RASA1: variants seen among roughly 807,000 people sequenced by gnomAD.
RASA1 encodes the protein ras GTPase-activating protein 1.
Under a neutral mutation model 132.2 loss-of-function variants are expected in RASA1, and 25 were observed. The observed-to-expected ratio is 0.19, with a 90% CI of 0.14 to 0.26. The LOEUF is 0.26. RASA1 is among the 10% of genes least tolerant of loss of function. The probability of loss-of-function intolerance (pLI) is 1.00; values close to 1 mark genes in which losing one functional copy is unlikely to be tolerated. For missense variants in RASA1, 964 were observed against 1,299.2 expected, an observed-to-expected ratio of 0.74 and a Z score of 3.97; for synonymous variants, 477 against 449.9, an observed-to-expected ratio of 1.06 and a Z score of -0.76.
chr5:87,378,483 A>G lies in RASA1; in HGVS notation c.2432A>G (p.His811Arg), dbSNP rs758671810. The G allele has an allele frequency of 1.2e-6, 2 of 1,612,500 alleles. No homozygotes were observed. Among genetic ancestry groups the G allele is most frequent in the African/African-American group, 1.3e-5 (1 of 74,906 alleles). The change falls in exon 18 of 25, where the codon CAT becomes CGT. Residue 811 changes from histidine (H) to arginine (R), a missense_variant. Around this residue, in one of 6 missense-constraint regions of RASA1, gnomAD observed 346 missense variants for 520.1 expected, o/e 0.67. Coordinates refer to ENST00000274376, the MANE Select transcript of RASA1 (RefSeq NM_002890.3). ...YMKATATQFV[H>R]HALKDSILKI... ...AAAGCCACTGCTACACAGTTTGTTC[A>G]TCATGCTTTGAAAGACTCTATTTTA...
rs867300362 is a variant in RASA1, at chr5:87,338,538, T to A, written c.1017+447T>A. On this transcript the variant is annotated intron_variant, in intron 5 of 24. Coordinates refer to ENST00000274376, the MANE Select transcript of RASA1 (RefSeq NM_002890.3). ...ATATATATATATATATATATAAAAT[T>A]TTTTTTTTTTTTAAGTAGAAATGGG... Among the ~76,000 whole-genome samples the A allele has an allele frequency of 7.3e-3, 965 of 132,794 alleles. 59 individuals carry two copies. The highest frequency in any genetic ancestry group is 0.048 in the Admixed American group (614 of 12,832). 87.1% of individuals were successfully genotyped at this position (132,794 alleles called of 152,430 possible).
intron 17 of RASA1, among the ~76,000 whole-genome samples, 162 bp from the exon 18 acceptor site, chr5:87,378,234 G>C (rs188177348): frequency 1.4e-4 from 22 of 152,314 alleles, no homozygotes; most frequent in Admixed American, 1.3e-3. Flanking sequence ...TAAGTCTGTA[G>C]AAGTATAGGA....
intron 1 of RASA1, among the ~76,000 whole-genome samples, chr5:87,310,539 A>G (rs1755830914): frequency 1.3e-5 from 2 of 152,178 alleles, no homozygotes; most frequent in South Asian, 4.1e-4. Flanking sequence ...AAGAAGTAGG[A>G]AGGAATTAAA....
intron 1 of RASA1, among the ~76,000 whole-genome samples, chr5:87,320,699 A>G (rs183108922): frequency 3.9e-5 from 6 of 152,338 alleles, no homozygotes; most frequent in Admixed American, 3.3e-4. Context: ...ACAGTTCAAC[A>G]TGAGATTTGG....
At chr5:87,297,562 C>T (rs1383784209) in intron 1 of RASA1, among the ~76,000 whole-genome samples, 1 of 152,208 alleles carries the variant, frequency 6.6e-6, no homozygotes, top group Non-Finnish European at 1.5e-5. Context: ...TCCCTTCCCT[C>T]TTGTGAAAGG....
Position 87,285,721 on chromosome 5 carries a change from C to T in RASA1, c.539+16731C>T, listed in dbSNP as rs575972682. Reference sequence around the variant, plus strand: ...CAACCCTTCACCTCCCAGGTTCAAGCGATTCTTCTGTCTCAGCCTCCTGAG... The same window carrying T: ...CAACCCTTCACCTCCCAGGTTCAAGTGATTCTTCTGTCTCAGCCTCCTGAG... On this transcript the variant is annotated intron_variant, in intron 1 of 24. Transcript: ENST00000274376. Among the ~76,000 whole-genome samples the T allele has an allele frequency of 1.4e-4, 21 of 149,046 alleles. No homozygotes were observed. In the South Asian group the frequency reaches 2.1e-3, roughly 15 times the overall value.
At chr5:87,306,500 G>C (rs1755618251) in intron 1 of RASA1, among the ~76,000 whole-genome samples, 1 of 151,970 alleles carries the variant, frequency 6.6e-6, no homozygotes, top group African/African-American at 2.4e-5. Flanking sequence ...CAGGAAAAAT[G>C]ACTAATAGGT....
At chr5:87,346,247 A>C (rs1256051547) in intron 6 of RASA1, among the ~76,000 whole-genome samples, 2 of 151,938 alleles carry the variant, frequency 1.3e-5, no homozygotes, top group Non-Finnish European at 2.9e-5. Context: ...CAATATCTTG[A>C]TTTTATTTGA....
chr5:87,289,095 G>A (rs750416614), intron 1 of RASA1, among the ~76,000 whole-genome samples: 1 of 151,670 alleles, frequency 6.6e-6, no homozygotes, highest in Non-Finnish European at 1.5e-5. Flanking sequence ...ATCTAGAACA[G>A]TCCTTTTTGC....
At chr5:87,381,759 G>T (rs1321219453) in intron 20 of RASA1, among the ~76,000 whole-genome samples, 1 of 152,132 alleles carries the variant, frequency 6.6e-6, no homozygotes, top group Non-Finnish European at 1.5e-5. Context: ...CTATAAATTT[G>T]TAAGTTTCAA....
chr5:87,294,498 AT>A (rs1458274621), intron 1 of RASA1: 1 of 152,156 alleles, frequency 6.6e-6, no homozygotes, highest in Non-Finnish European at 1.5e-5. Flanking sequence ...CTGATTTTTT[AT>A]CTTTCTTACA....
At chr5:87,363,800 A>AT (rs1282061925) in intron 11 of RASA1, among the ~76,000 whole-genome samples, 3 of 151,974 alleles carry the variant, frequency 2.0e-5, no homozygotes, top group Non-Finnish European at 4.4e-5. Context: ...CTTTCCTCTG[A>AT]TTTTTTCACA....
At position 87,380,476 on chromosome 5, in the gene RASA1, TTC is replaced by T. The variant is rs771092663; in HGVS notation, c.2604-31_2604-30del. 7 of 1,555,382 alleles carry T rather than the reference TTC, an allele frequency of 4.5e-6. No homozygotes were observed. In the East Asian group the frequency reaches 1.3e-4, roughly 30 times the overall value. On this transcript the variant is annotated intron_variant, in intron 19 of 24. Transcript: ENST00000274376. ...TAGGAGATCAGTGTTTTCACTTGCT[TTC>T]TGTGTTGAGATGATTGTGTTATTTT... is the stretch of plus-strand genomic sequence containing the variant.
rs563789588 is a variant in RASA1, at chr5:87,369,508, T to C, written c.1611-305T>C. On this transcript the variant is annotated intron_variant, in intron 11 of 24. Coordinates refer to ENST00000274376, the MANE Select transcript of RASA1 (RefSeq NM_002890.3). Reference sequence around the variant, plus strand: ...CATATAAAGCTTTTCAAATTAGCTGTGTGCAGTTCTAGCAGTTCAGCTTCA... The same window carrying C: ...CATATAAAGCTTTTCAAATTAGCTGCGTGCAGTTCTAGCAGTTCAGCTTCA... Among the ~76,000 whole-genome samples, 22 of 152,290 alleles carry C rather than the reference T, an allele frequency of 1.4e-4. 1 individual carries two copies. Among genetic ancestry groups the C allele is most frequent in the Admixed American group, 1.3e-3 (20 of 15,278 alleles).
Position 87,333,353 on chromosome 5 carries a change from T to G in RASA1, c.899+16T>G. On this transcript the variant is annotated intron_variant, in intron 4 of 24. Transcript: ENST00000274376. ...ATGAAATAAGGTATTTTATAATCTATTCTCATGTATAGGCATTTGAAAGAG... is the reference window on the plus strand; with the variant it reads ...ATGAAATAAGGTATTTTATAATCTAGTCTCATGTATAGGCATTTGAAAGAG... 7 of 1,612,400 alleles carry G rather than the reference T, an allele frequency of 4.3e-6. No homozygotes were observed. The highest frequency in any genetic ancestry group is 1.1e-5 in the South Asian group (1 of 90,822).
At chr5:87,374,513 C>A (rs1359716949) in intron 14 of RASA1, among the ~76,000 whole-genome samples, 193 bp downstream of exon 14, 1 of 143,964 alleles carries the variant, frequency 6.9e-6, no homozygotes, top group Non-Finnish European at 1.5e-5. Flanking sequence ...AGTGCTATGC[C>A]CTTGGTTTTT....
At chr5:87,367,454 A>G (rs925171606) in intron 11 of RASA1, among the ~76,000 whole-genome samples, 12 of 152,230 alleles carry the variant, frequency 7.9e-5, no homozygotes, top group South Asian at 4.1e-4. Flanking sequence ...GTAGGTGATT[A>G]GTGCGCATGC....
In RASA1 at chr5:87,376,499, G is replaced by C. The variant is rs1761337058; in HGVS notation, c.2118G>C (p.Leu706=). The change falls in exon 16 of 25, where the codon CTG becomes CTC. Residue 706 remains leucine, a synonymous_variant. Coordinates refer to ENST00000274376, the MANE Select transcript of RASA1 (RefSeq NM_002890.3). The stretch of plus-strand genomic sequence containing the variant: ...TAAAAGGTATTGAACCAGGGTCCCT[G>C]CGTGTTCGAGCACGATACTCTATGG... ...IPLKGIEPGS[L]RVRARYSMEK... 1 of 1,613,918 alleles carries C rather than the reference G, an allele frequency of 6.2e-7. No homozygotes were observed. The highest frequency in any genetic ancestry group is 1.7e-5 in the Admixed American group (1 of 59,994).
chr5:87,359,259 G>C (rs186761631), intron 9 of RASA1, among the ~76,000 whole-genome samples: 138 of 152,250 alleles, frequency 9.1e-4, no homozygotes, highest in African/African-American at 3.0e-3. Flanking sequence ...TTCTAGGGAA[G>C]AGCTTGGTTC....
Sources: gnomAD v4.1 joint callset for allele counts (sites outside exome capture counted in the v4.1 genomes callset) on GRCh38, gnomAD v4.1.1 for gene constraint, gnomAD v4.1.1 regional missense constraint, MANE v1.5 for transcripts, NCBI Gene and HGNC (gene_info 2026-07-23, HGNC 2026-07-21) for gene names.